Variants in PTPN3 observed in about 807,000 individuals in gnomAD.
PTPN3 encodes tyrosine-protein phosphatase non-receptor type 3.
Under a neutral mutation model 132.7 loss-of-function variants are expected in PTPN3, and 96 were observed. That is an observed-to-expected ratio of 0.72 (90% CI 0.61 to 0.86). The LOEUF (loss-of-function observed/expected upper bound fraction) is 0.86. Ranked by LOEUF, PTPN3 falls within the 40% of genes least tolerant of loss-of-function variation. The pLI is 0.00. For synonymous variants in PTPN3, 398 were observed against 429.0 expected, an observed-to-expected ratio of 0.93 and a Z score of 0.89; for missense variants, 1,125 against 1,159.6, an observed-to-expected ratio of 0.97 and a Z score of 0.43.
At position 109,457,403 on chromosome 9, in the gene PTPN3, G is replaced by C. The variant is rs1334822799; in HGVS notation, c.139-4C>G. The C allele has an allele frequency of 6.2e-7, 1 of 1,600,512 alleles. No individual in the cohort carries two copies. Among genetic ancestry groups the C allele is most frequent in the South Asian group, 1.1e-5 (1 of 87,958 alleles). On this transcript the variant is annotated splice_polypyrimidine_tract_variant and splice_region_variant and intron_variant, in intron 2 of 25. Transcript: ENST00000374541. ...GAACCTGGCCAGTGTCTTGTTTCTA[G>C]AACAAAGGAAATTATCAAGTGGGAA...
intron 13 of PTPN3, among the ~76,000 whole-genome samples, chr9:109,421,229 C>T (rs1259703577): frequency 6.6e-6 from 1 of 151,880 alleles, no homozygotes; most frequent in African/African-American, 2.4e-5. Flanking sequence ...CTCGGCTGTA[C>T]TTACCTGCTC....
the PTPN3 span, among the ~76,000 whole-genome samples, chr9:109,514,859 A>G: frequency 7.7e-4 from 118 of 152,276 alleles, no homozygotes; most frequent in African/African-American, 2.7e-3. Context: ...TTAAGCTTAT[A>G]TTTCTGCTTC....
the PTPN3 span, among the ~76,000 whole-genome samples, chr9:109,517,485 G>A: frequency 1.1e-4 from 16 of 152,160 alleles, no homozygotes; most frequent in Admixed American, 9.8e-4. Context: ...CGTCCAAAGC[G>A]CCTGTTCAAG....
At chr9:109,535,569 G>A in the PTPN3 span, among the ~76,000 whole-genome samples, 3 of 151,794 alleles carry the variant, frequency 2.0e-5, no homozygotes, top group Non-Finnish European at 2.9e-5. Flanking sequence ...GTGTAATCAC[G>A]TGATCTCAGC....
chr9:109,399,859 C>A (rs1004699262), intron 19 of PTPN3, among the ~76,000 whole-genome samples: 1 of 151,892 alleles, frequency 6.6e-6, no homozygotes, highest in African/African-American at 2.4e-5. Context: ...CGCCCACCTG[C>A]CAACCACACT....
chr9:109,401,190 T>C (rs1220515514), intron 19 of PTPN3, among the ~76,000 whole-genome samples: 1 of 152,258 alleles, frequency 6.6e-6, no homozygotes, highest in Non-Finnish European at 1.5e-5. Context: ...CTCCTTTTCT[T>C]ATGCTATCAT....
At chr9:109,498,490 G>A (rs748406381), upstream of PTPN3, among the ~76,000 whole-genome samples, 1 of 152,016 alleles carries the variant, frequency 6.6e-6, no homozygotes, top group Non-Finnish European at 1.5e-5. The surrounding 1 kb of genome is among the most constrained non-coding windows in gnomAD (Gnocchi z 4.2). Context: ...CTCCGGGCAG[G>A]TCCTGAGTTC....
chr9:109,525,939 T>G, the PTPN3 span, among the ~76,000 whole-genome samples: 1 of 152,222 alleles, frequency 6.6e-6, no homozygotes, highest in Non-Finnish European at 1.5e-5. Flanking sequence ...GAAATAAAAC[T>G]TATTTACAGA....
At chr9:109,523,448 T>G in the PTPN3 span, among the ~76,000 whole-genome samples, 1 of 152,230 alleles carries the variant, frequency 6.6e-6, no homozygotes, top group African/African-American at 2.4e-5. Flanking sequence ...ATTAAATGGC[T>G]TGATAGTCGC....
At chr9:109,492,519 C>T (rs1360979553) in intron 1 of PTPN3, among the ~76,000 whole-genome samples, 1 of 152,156 alleles carries the variant, frequency 6.6e-6, no homozygotes, top group Non-Finnish European at 1.5e-5. Flanking sequence ...AGTGAGGGAC[C>T]CCTTTTCTAT....
intron 7 of PTPN3, among the ~76,000 whole-genome samples, chr9:109,438,960 G>T (rs1016787964): frequency 6.6e-6 from 1 of 152,232 alleles, no homozygotes; most frequent in Non-Finnish European, 1.5e-5. Flanking sequence ...ACCTGCAGGT[G>T]CAGAGGGAAA....
chr9:109,408,543 G>A (rs565380176), intron 16 of PTPN3, among the ~76,000 whole-genome samples, 166 bp from the exon 17 acceptor site: 47 of 152,042 alleles, frequency 3.1e-4, no homozygotes, highest in African/African-American at 1.1e-3. Context: ...CGAATCACAC[G>A]TCATTTCAGA....
chr9:109,518,371 C>T, the PTPN3 span, among the ~76,000 whole-genome samples: 1 of 152,172 alleles, frequency 6.6e-6, no homozygotes, highest in Non-Finnish European at 1.5e-5. Context: ...TAGAGGGCCC[C>T]TGGTGTGGCT....
chr9:109,417,183 G>T (rs189993615), intron 14 of PTPN3, among the ~76,000 whole-genome samples: 1 of 152,314 alleles, frequency 6.6e-6, no homozygotes, highest in African/African-American at 2.4e-5. Flanking sequence ...AACTGCCAAG[G>T]ATTCATAACT....
intron 23 of PTPN3, 110 bp downstream of exon 23, chr9:109,383,313 G>A (rs952447182): frequency 1.1e-5 from 17 of 1,578,860 alleles, no homozygotes; most frequent in African/African-American, 6.7e-5. Flanking sequence ...TTACTGACAC[G>A]CTTGCCAGGT....
chr9:109,439,812 G>T (rs1217277965), intron 7 of PTPN3, among the ~76,000 whole-genome samples: 1 of 152,086 alleles, frequency 6.6e-6, no homozygotes, highest in East Asian at 1.9e-4. Flanking sequence ...GGGAGGCTGA[G>T]GCATGAGAAT....
intron 19 of PTPN3, among the ~76,000 whole-genome samples, chr9:109,396,623 T>C (rs879841493): frequency 2.6e-5 from 4 of 152,180 alleles, no homozygotes; most frequent in Non-Finnish European, 4.4e-5. Context: ...TATCAGAGTA[T>C]AGTTATAAGA....
In PTPN3 at chr9:109,377,395, T is replaced by TACACACACTCAC. The variant is rs1838653368; in HGVS notation, c.*2160_*2161insGTGAGTGTGTGT. 9.4e-6 allele frequency: 1 copy of TACACACACTCAC among 106,816 alleles called. No homozygotes were observed. The highest frequency in any genetic ancestry group is 3.8e-5 in the African/African-American group (1 of 26,338). The allele number at this position is 106,816 out of a possible 1,614,324, so 6.6% of individuals were successfully genotyped here. A position where few individuals can be genotyped will look rare whatever the true frequency, so the allele number is the denominator to read the frequency against. ...AGGCAACACATCAAGATCCTGTCTC[T>TACACACACTCAC]ACACACACACACACACACACACACA... On this transcript the variant is annotated 3_prime_UTR_variant, in exon 26 of 26. Coordinates refer to ENST00000374541, the MANE Select transcript of PTPN3 (RefSeq NM_002829.4).
rs1839558645 is a variant in PTPN3 at position 109,386,068 on chromosome 9, T to C, written c.2254-2517A>G. Among the ~76,000 whole-genome samples, 3 of 152,136 alleles carry C rather than the reference T, an allele frequency of 2.0e-5. No individual in the cohort carries two copies. The South Asian group carries it at 6.2e-4, about 32-fold the overall frequency. On this transcript the variant is annotated intron_variant, in intron 22 of 25. Coordinates refer to ENST00000374541, the MANE Select transcript of PTPN3 (RefSeq NM_002829.4). ...AACACAAATGGGACATACTGAAAAT[T>C]TCAGCTCTCAGAGAAAGGGATAAAT... is the stretch of plus-strand genomic sequence containing the variant.
Sources: allele counts gnomAD v4.1 joint callset (sites outside exome capture counted in the v4.1 genomes callset), GRCh38; gene constraint gnomAD v4.1.1; non-coding constraint Gnocchi (gnomAD v3.1); transcripts MANE v1.5; gene names NCBI Gene and HGNC (gene_info 2026-07-23, HGNC 2026-07-21).